NEK8: variants seen among roughly 807,000 people sequenced by gnomAD.
NEK8 encodes the protein NIMA related kinase 8, also known as serine/threonine-protein kinase Nek8.
NEK8 carries 51 observed loss-of-function variants against 77.2 expected under a neutral mutation model. The observed-to-expected ratio is 0.66, with a 90% confidence interval of 0.53 to 0.83. The LOEUF is 0.83. NEK8 is among the 40% of genes least tolerant of loss of function. The pLI is 0.00. For missense variants in NEK8, 787 were observed against 909.2 expected, an observed-to-expected ratio of 0.87 and a Z score of 1.73; for synonymous variants, 365 against 363.2, an observed-to-expected ratio of 1.00 and a Z score of -0.06.
Position 28,734,903 on chromosome 17 carries a change from C to T in NEK8, c.385C>T (p.Leu129Phe), listed in dbSNP as rs201202318. The change falls in exon 3 of 15, where the codon CTC (leucine) becomes TTC (phenylalanine). Residue 129 changes from leucine (L) to phenylalanine (F), a missense_variant. Leu to Phe is a conservative substitution (Grantham distance 22). Around this residue, in one of 2 missense-constraint regions of NEK8, gnomAD observed 271 missense variants for 365.1 expected, o/e 0.74. Coordinates refer to ENST00000268766, the MANE Select transcript of NEK8 (RefSeq NM_178170.3). ...VHTHLILHRD[L>F]KTQNILLDKH... ...CACCCACCTCATCCTGCACCGAGAC[C>T]TCAAGACCCAGAACATCCTGCTTGA... is the stretch of plus-strand genomic sequence containing the variant. 2.2e-4 allele frequency: 359 copies of T among 1,613,892 alleles called. No homozygotes were observed. The highest frequency in any genetic ancestry group is 1.9e-5 in the Non-Finnish European group (22 of 1,180,018).
At chr17:28,739,984 C>T (rs1208553381) in intron 10 of NEK8, among the ~76,000 whole-genome samples, 1 of 151,956 alleles carries the variant, frequency 6.6e-6, no homozygotes, top group African/African-American at 2.4e-5. Context: ...TTGAACAGGG[C>T]TTTAAAGGAG....
intron 1 of NEK8, among the ~76,000 whole-genome samples, chr17:28,729,129 A>T (rs1050901074): frequency 6.6e-6 from 1 of 152,282 alleles, no homozygotes; most frequent in African/African-American, 2.4e-5. Flanking sequence ...TATGTATGTC[A>T]GGCTTTGGCC....
chr17:28,730,540 T>C (rs2034296818), intron 1 of NEK8, among the ~76,000 whole-genome samples: 1 of 152,040 alleles, frequency 6.6e-6, no homozygotes, highest in African/African-American at 2.4e-5. Flanking sequence ...TCCCAAAGTG[T>C]TGGGATTACA....
At chr17:28,736,336 T>C (rs1299124944) in intron 4 of NEK8, among the ~76,000 whole-genome samples, 1 of 152,204 alleles carries the variant, frequency 6.6e-6, no homozygotes, top group Non-Finnish European at 1.5e-5. Context: ...TCTAGATCCC[T>C]GAGGAATCGC....
chr17:28,743,085 AAAAAAAAAAAAAAAAAAG>A lies in NEK8; in HGVS notation c.*1099_*1116del, dbSNP rs1169961444. ...AAGTCTCCCTCTCAAAAAAAAAAAAAAAAAAAAAAAAAAAAAAGTATTTGGTGCTTACCGGGACTCTAT... is the reference window on the plus strand; with the variant it reads ...AAGTCTCCCTCTCAAAAAAAAAAAAATATTTGGTGCTTACCGGGACTCTAT... On this transcript the variant is annotated 3_prime_UTR_variant, in exon 15 of 15. Coordinates refer to ENST00000268766, the MANE Select transcript of NEK8 (RefSeq NM_178170.3). 1 of 99,472 alleles carries A rather than the reference AAAAAAAAAAAAAAAAAAG, an allele frequency of 1.0e-5. No individual in the cohort carries two copies. Among genetic ancestry groups the A allele is most frequent in the African/African-American group, 3.4e-5 (1 of 29,686 alleles). The allele number at this position is 99,472 out of a possible 1,614,324, so 6.2% of individuals were successfully genotyped here.
rs1163187689 is a variant in NEK8 at position 28,734,774 on chromosome 17, G to A, written c.256G>A (p.Gly86Ser). Residue 86 changes from glycine (G) to serine (S), a missense_variant and splice_region_variant, in exon 3 of 15, where the codon GGC becomes AGC. Around this residue, in one of 2 missense-constraint regions of NEK8, gnomAD observed 271 missense variants for 365.1 expected, o/e 0.74. Transcript: ENST00000268766. ...LMIAMEYAPG[G>S]TLAEFIQKRC... is the part of the protein sequence containing the mutation. ...TTGATTAGTCCCTTGGGCCACAGGC[G>A]GCACTCTGGCTGAGTTCATCCAAAA... The A allele has an allele frequency of 1.2e-6, 2 of 1,611,352 alleles. No homozygotes were observed. Among genetic ancestry groups the A allele is most frequent in the Middle Eastern group, 1.7e-4 (1 of 6,056 alleles).
rs71135844 is a variant in NEK8, at chr17:28,731,908, A to ATTTTT, written c.48-2039_48-2035dup. On this transcript the variant is annotated intron_variant, in intron 1 of 14. Coordinates refer to ENST00000268766, the MANE Select transcript of NEK8 (RefSeq NM_178170.3). ...GCGTGAGCCACCGCGCCTGGCCCCA[A>ATTTTT]TTTTTTTTTTTTTTTTTTTTTTTTT... 1.7e-3 allele frequency among the ~76,000 whole-genome samples: 89 copies of ATTTTT among 52,536 alleles called. 9 individuals carry two copies. Among genetic ancestry groups the ATTTTT allele is most frequent in the East Asian group, 3.0e-3 (5 of 1,664 alleles). 34.5% of individuals were successfully genotyped at this position (52,536 alleles called of 152,430 possible).
At chr17:28,729,850 G>A (rs1286925337) in intron 1 of NEK8, among the ~76,000 whole-genome samples, 1 of 152,108 alleles carries the variant, frequency 6.6e-6, no homozygotes, top group Non-Finnish European at 1.5e-5. Context: ...CAGGCCAGAA[G>A]TGAGATTTAA....
At chr17:28,734,268 C>T (rs1052001308) in intron 2 of NEK8, 80 bp downstream of exon 2, 5 of 1,308,104 alleles carry the variant, frequency 3.8e-6, no homozygotes, top group Non-Finnish European at 5.5e-6. Flanking sequence ...CCTGGCTTCC[C>T]TCCTTGGAAT....
chr17:28,738,766 T>C lies in NEK8; in HGVS notation c.1299+19T>C, dbSNP rs2034392240. On this transcript the variant is annotated intron_variant, in intron 9 of 14. Coordinates refer to ENST00000268766, the MANE Select transcript of NEK8 (RefSeq NM_178170.3). Reference sequence around the variant, plus strand: ...CAGCCAGGTGGGTGTCACATATACCTTGGGAAGGGGAAGTCGGGGGATGGC... The same window carrying C: ...CAGCCAGGTGGGTGTCACATATACCCTGGGAAGGGGAAGTCGGGGGATGGC... 1.9e-6 allele frequency: 3 copies of C among 1,601,302 alleles called. No individual in the cohort carries two copies. Among genetic ancestry groups the C allele is most frequent in the Non-Finnish European group, 2.6e-6 (3 of 1,168,376 alleles).
At chr17:28,736,680 A>G in intron 4 of NEK8, among the ~76,000 whole-genome samples, 1 of 152,240 alleles carries the variant, frequency 6.6e-6, no homozygotes, top group East Asian at 1.9e-4. Flanking sequence ...GCCCTTTGTC[A>G]GATGAGTAGA....
At chr17:28,739,959 GGA>G (rs1357630343) in intron 10 of NEK8, among the ~76,000 whole-genome samples, 1 of 152,156 alleles carries the variant, frequency 6.6e-6, no homozygotes, top group Admixed American at 6.5e-5. Context: ...GTCAACTGGA[GGA>G]GAGAGATGTC....
chr17:28,737,677 C>T lies in NEK8; in HGVS notation c.830C>T (p.Ala277Val), dbSNP rs2034378638. Residue 277 changes from alanine (A) to valine (V), a missense_variant and splice_region_variant, in exon 6 of 15, where the codon GCA (alanine) becomes GTA (valine). Around this residue, in one of 2 missense-constraint regions of NEK8, gnomAD observed 271 missense variants for 365.1 expected, o/e 0.74. Coordinates refer to ENST00000268766, the MANE Select transcript of NEK8 (RefSeq NM_178170.3). This position sits in a 1 kb window ranked among gnomAD's most constrained non-coding sequence, Gnocchi z 4.8. ...TTAGGCCCCCATCTGTCCTGCAGGGCAGAGAAGTCCGTGGCCCCCAGCAAC... is the reference window on the plus strand; with the variant it reads ...TTAGGCCCCCATCTGTCCTGCAGGGTAGAGAAGTCCGTGGCCCCCAGCAAC... ...TDVGSVRMRR[A>V]EKSVAPSNTG... 2 of 1,614,060 alleles carry T rather than the reference C, an allele frequency of 1.2e-6. No individual in the cohort carries two copies. Among genetic ancestry groups the T allele is most frequent in the African/African-American group, 2.7e-5 (2 of 74,934 alleles).
chr17:28,730,403 C>T (rs2034295575), intron 1 of NEK8, among the ~76,000 whole-genome samples: 1 of 151,470 alleles, frequency 6.6e-6, no homozygotes, highest in East Asian at 1.9e-4. Flanking sequence ...ATTCTCCTGC[C>T]TCAGCCTTAC....
chr17:28,733,435 T>G (rs898027682), intron 1 of NEK8, among the ~76,000 whole-genome samples: 5 of 152,196 alleles, frequency 3.3e-5, no homozygotes, highest in African/African-American at 1.2e-4. Context: ...AACAAATACT[T>G]ATTGACTGCC....
Position 28,737,980 on chromosome 17 carries a change from G to A in NEK8, c.1051G>A (p.Gly351Arg), listed in dbSNP as rs1306721390. Residue 351 changes from glycine (G) to arginine (R), a missense_variant, in exon 7 of 15, where the codon GGG becomes AGG. By Grantham distance (125) the Gly-to-Arg change is moderately radical (BLOSUM62 -2). Coordinates refer to ENST00000268766, the MANE Select transcript of NEK8 (RefSeq NM_178170.3). This position sits in a 1 kb window ranked among gnomAD's most constrained non-coding sequence, Gnocchi z 4.8. ...GCAGAAAGCCGGCGTCACGCGCTCTGGGCGTCTCATCCTGTGGGAGGTGAG... is the reference window on the plus strand; with the variant it reads ...GCAGAAAGCCGGCGTCACGCGCTCTAGGCGTCTCATCCTGTGGGAGGTGAG... Reference protein sequence around the residue: ...RTQKAGVTRSGRLILWEAPPL... With the variant: ...RTQKAGVTRSRRLILWEAPPL... The A allele has an allele frequency of 1.9e-6, 3 of 1,611,918 alleles. No individual in the cohort carries two copies. Among genetic ancestry groups the A allele is most frequent in the Admixed American group, 1.7e-5 (1 of 59,974 alleles).
At chr17:28,729,295 C>T (rs1463996026) in intron 1 of NEK8, among the ~76,000 whole-genome samples, 1 of 152,158 alleles carries the variant, frequency 6.6e-6, no homozygotes, top group Non-Finnish European at 1.5e-5. Flanking sequence ...GAGTACATTA[C>T]CAGTGAGAAT....
chr17:28,740,732 G>T lies in NEK8; in HGVS notation c.1569-90G>T. 3 of 1,580,232 alleles carry T rather than the reference G, an allele frequency of 1.9e-6. No individual in the cohort carries two copies. Among genetic ancestry groups the T allele is most frequent in the South Asian group, 1.1e-5 (1 of 90,346 alleles). ...ATTGAGGGGGTTGAGGGTGCTATTGGTTCAACCCAGGGTGGGATCTGTCTC... is the reference window on the plus strand; with the variant it reads ...ATTGAGGGGGTTGAGGGTGCTATTGTTTCAACCCAGGGTGGGATCTGTCTC... On this transcript the variant is annotated intron_variant, in intron 11 of 14. Transcript: ENST00000268766. The surrounding 1 kb of genome is among the most constrained non-coding windows in gnomAD (Gnocchi z 4.7).
At position 28,742,910 on chromosome 17, in the gene NEK8, TA is replaced by T. The variant is rs1294558242; in HGVS notation, c.*928del. ...CAACATGGTGAAACCCCGTCTCTAC[TA>T]AAAATACAAAAATTAACCAGGCATG... On this transcript the variant is annotated 3_prime_UTR_variant, in exon 15 of 15. Transcript: ENST00000268766. The T allele has an allele frequency of 6.6e-6, 1 of 151,396 alleles. No individual in the cohort carries two copies. The highest frequency in any genetic ancestry group is 6.6e-5 in the Admixed American group (1 of 15,224). The allele number at this position is 151,396 out of a possible 1,614,324, so 9.4% of individuals were successfully genotyped here.
Sources: gnomAD v4.1 joint callset for allele counts (sites outside exome capture counted in the v4.1 genomes callset) on GRCh38, gnomAD v4.1.1 for gene constraint, gnomAD v4.1.1 regional missense constraint, Gnocchi (gnomAD v3.1) non-coding constraint, MANE v1.5 for transcripts, NCBI Gene and HGNC (gene_info 2026-07-23, HGNC 2026-07-21) for gene names.